Variants in NCAM2 observed in about 807,000 individuals in gnomAD.
NCAM2 encodes the protein neural cell adhesion molecule 2, also known as N-CAM-2.
In NCAM2, 30 loss-of-function variants were observed where a neutral mutation model predicts 98.1. The ratio of observed to expected loss-of-function variants is 0.31; its 90% CI spans 0.23 to 0.41. The LOEUF (loss-of-function observed/expected upper bound fraction) is 0.41, where lower values mean the gene tolerates loss of function less well. Among genes scored for constraint, NCAM2 ranks in the 10% least tolerant of loss-of-function variants. The pLI, the probability that NCAM2 is intolerant of heterozygous loss-of-function variation, is 1.00. For missense variants in NCAM2, 867 were observed against 1,005.8 expected (o/e 0.86, Z 1.87); for synonymous variants, 368 against 342.4 (o/e 1.07, Z -0.83).
intron 1 of NCAM2, among the ~76,000 whole-genome samples, chr21:21,104,138 T>A (rs1458545762): frequency 1.3e-5 from 2 of 152,174 alleles, no homozygotes; most frequent in African/African-American, 4.8e-5. Context: ...AAAATACATA[T>A]GTTATGATAA....
At chr21:21,396,819 T>G (rs1289139025) in intron 9 of NCAM2, among the ~76,000 whole-genome samples, 2 of 152,176 alleles carry the variant, frequency 1.3e-5, no homozygotes, top group Admixed American at 6.5e-5. Context: ...TGGTGTTACA[T>G]CACGCCACAG....
intron 10 of NCAM2, among the ~76,000 whole-genome samples, chr21:21,411,421 T>A (rs887551809): frequency 2.6e-5 from 4 of 151,590 alleles, no homozygotes; most frequent in Non-Finnish European, 5.9e-5. Context: ...TAAATGAAAT[T>A]TACTTGTTCA....
intron 1 of NCAM2, among the ~76,000 whole-genome samples, chr21:21,137,744 G>T (rs2067088354): frequency 1.3e-5 from 2 of 152,092 alleles, no homozygotes; most frequent in African/African-American, 4.8e-5. Flanking sequence ...GGCAAGAAGA[G>T]CGAAACTCCA....
At position 21,220,117 on chromosome 21, in the gene NCAM2, A is replaced by G. The variant is rs571398646; in HGVS notation, c.56-60461A>G. Among the ~76,000 whole-genome samples, 19 of 152,288 alleles carry G rather than the reference A, an allele frequency of 1.2e-4. No individual in the cohort carries two copies. In the Middle Eastern group the frequency reaches 0.01, roughly 82 times the overall value. Reference sequence around the variant, plus strand: ...TGCAGTAAGCTAAAGCTAAATTACAATTAAAAATAAAAATATTTTTAATAA... The same window carrying G: ...TGCAGTAAGCTAAAGCTAAATTACAGTTAAAAATAAAAATATTTTTAATAA... On this transcript the variant is annotated intron_variant, in intron 1 of 17. Coordinates refer to ENST00000400546, the MANE Select transcript of NCAM2 (RefSeq NM_004540.5).
At chr21:21,258,334 A>G (rs1179776618) in intron 1 of NCAM2, among the ~76,000 whole-genome samples, 1 of 152,192 alleles carries the variant, frequency 6.6e-6, no homozygotes, top group Non-Finnish European at 1.5e-5. Flanking sequence ...CAGGACAAAG[A>G]TCAAAGTGAT....
chr21:21,122,391 G>A (rs2066693751), intron 1 of NCAM2, among the ~76,000 whole-genome samples: 1 of 152,150 alleles, frequency 6.6e-6, no homozygotes, highest in Non-Finnish European at 1.5e-5. Flanking sequence ...TTAGTAACAG[G>A]AAGAAGATAG....
chr21:21,500,820 T>C (rs561487413), intron 15 of NCAM2, among the ~76,000 whole-genome samples: 95 of 152,198 alleles, frequency 6.2e-4, no homozygotes, highest in Non-Finnish European at 1.2e-3. Context: ...TTTGTTAATA[T>C]AAGACATCTC....
chr21:21,408,948 GATA>G (rs2076799284), intron 9 of NCAM2, among the ~76,000 whole-genome samples: 1 of 151,026 alleles, frequency 6.6e-6, no homozygotes, highest in Non-Finnish European at 1.5e-5. Flanking sequence ...ATAATTAGTA[GATA>G]TAACAAAACT....
intron 9 of NCAM2, among the ~76,000 whole-genome samples, chr21:21,400,726 A>C (rs900946398): frequency 2.6e-5 from 4 of 151,950 alleles, no homozygotes; most frequent in Non-Finnish European, 5.9e-5. Flanking sequence ...GCAGGGATCA[A>C]AGGCACCTTA....
At chr21:21,357,717 T>A (rs897377080) in intron 8 of NCAM2, among the ~76,000 whole-genome samples, 2 of 152,108 alleles carry the variant, frequency 1.3e-5, no homozygotes, top group African/African-American at 4.8e-5. Context: ...ATTTCTACCT[T>A]TTTACCAAAC....
chr21:21,173,946 G>A (rs931289777), intron 1 of NCAM2, among the ~76,000 whole-genome samples: 1 of 151,994 alleles, frequency 6.6e-6, no homozygotes, highest in Non-Finnish European at 1.5e-5. Context: ...TTTTTGAGAT[G>A]GAGTTTTGCT....
At chr21:21,295,637 A>C (rs933146488) in intron 5 of NCAM2, among the ~76,000 whole-genome samples, 4 of 151,838 alleles carry the variant, frequency 2.6e-5, no homozygotes, top group African/African-American at 7.2e-5. Flanking sequence ...TGAAAAGAGC[A>C]TGACCCAAAT....
At chr21:21,366,340 A>C (rs1019570727) in intron 8 of NCAM2, among the ~76,000 whole-genome samples, 1 of 152,046 alleles carries the variant, frequency 6.6e-6, no homozygotes, top group African/African-American at 2.4e-5. Context: ...CTGTAATTTG[A>C]ACTAGATTAA....
intron 1 of NCAM2, among the ~76,000 whole-genome samples, chr21:21,207,491 G>A (rs80129070): frequency 0.025 from 1 of 40 alleles, no homozygotes; most frequent in East Asian, 0.5. Flanking sequence ...CTGTAACACA[G>A]AGAAACAAAA....
At chr21:21,347,692 T>TA (rs962007197) in intron 8 of NCAM2, among the ~76,000 whole-genome samples, 2 of 151,680 alleles carry the variant, frequency 1.3e-5, no homozygotes, top group African/African-American at 4.8e-5. Flanking sequence ...CAAAGACACA[T>TA]AAAAAAAGTA....
chr21:21,226,118 G>C (rs1340220540), intron 1 of NCAM2, among the ~76,000 whole-genome samples: 3 of 151,960 alleles, frequency 2.0e-5, no homozygotes, highest in African/African-American at 7.2e-5. Context: ...AGCACACACA[G>C]ACACAAAGAT....
intron 8 of NCAM2, among the ~76,000 whole-genome samples, chr21:21,354,056 CAT>C (rs2075408377): frequency 1.3e-5 from 2 of 152,048 alleles, no homozygotes; most frequent in Non-Finnish European, 2.9e-5. Flanking sequence ...AAATGATAAA[CAT>C]AACAGTAAGT....
rs577816836 is a variant in NCAM2, at chr21:21,493,753, T to C, written c.2078-15098T>C. Among the ~76,000 whole-genome samples, 7 of 152,062 alleles carry C rather than the reference T, an allele frequency of 4.6e-5. No homozygotes were observed. In the South Asian group the frequency reaches 1.2e-3, roughly 27 times the overall value. The stretch of plus-strand genomic sequence containing the variant: ...CTAGTTCCTGGCAATCACTGACCTT[T>C]TTACTATTTCCTAGGTTTGCCGTTT... On this transcript the variant is annotated intron_variant, in intron 15 of 17. Transcript: ENST00000400546.
intron 1 of NCAM2, among the ~76,000 whole-genome samples, chr21:21,125,135 C>T (rs550572915): frequency 6.6e-6 from 1 of 151,830 alleles, no homozygotes; most frequent in Admixed American, 6.6e-5. Flanking sequence ...TATGTAACTC[C>T]GTATTACTGT....
Sources: allele counts gnomAD v4.1 joint callset (sites outside exome capture counted in the v4.1 genomes callset), GRCh38; gene constraint gnomAD v4.1.1; transcripts MANE v1.5; gene names NCBI Gene and HGNC (gene_info 2026-07-23, HGNC 2026-07-21).